The following SEMA3C variants were observed in gnomAD, a reference collection of about 807,000 sequenced individuals.
SEMA3C encodes semaphorin-3C.
Under a neutral mutation model 89.4 loss-of-function variants are expected in SEMA3C, and 47 were observed. The ratio of observed to expected loss-of-function variants is 0.53; its 90% CI spans 0.42 to 0.67. The LOEUF is 0.67. SEMA3C is among the 30% of genes least tolerant of loss of function. The pLI is 0.00. For missense variants in SEMA3C, 839 were observed against 929.1 expected (o/e 0.90, Z 1.26); for synonymous variants, 310 against 320.2 (o/e 0.97, Z 0.34).
intron 15 of SEMA3C, among the ~76,000 whole-genome samples, chr7:80,754,900 C>T (rs547666900): frequency 1.1e-4 from 17 of 151,326 alleles, no homozygotes; most frequent in African/African-American, 4.1e-4. Flanking sequence ...GCCTCAGCCT[C>T]CCAAGTATCT....
chr7:80,853,929 C>T (rs1360851134), intron 2 of SEMA3C, among the ~76,000 whole-genome samples: 2 of 150,560 alleles, frequency 1.3e-5, no homozygotes, highest in Non-Finnish European at 3.0e-5. Flanking sequence ...TACACACCTG[C>T]TATGTACCCA....
At chr7:80,889,681 G>A (rs1431495916) in intron 2 of SEMA3C, among the ~76,000 whole-genome samples, 2 of 151,784 alleles carry the variant, frequency 1.3e-5, no homozygotes, top group Non-Finnish European at 2.9e-5. Flanking sequence ...GCAGAGATGT[G>A]GTTATTACAA....
chr7:80,792,869 G>A (rs1210627807), intron 11 of SEMA3C, among the ~76,000 whole-genome samples: 1 of 152,166 alleles, frequency 6.6e-6, no homozygotes, highest in Non-Finnish European at 1.5e-5. Context: ...ATTGCCCTTT[G>A]TAGACTCTGT....
chr7:80,750,849 A>G (rs1053684883), intron 16 of SEMA3C, among the ~76,000 whole-genome samples: 24 of 152,122 alleles, frequency 1.6e-4, no homozygotes, highest in African/African-American at 5.8e-4. Context: ...AATATGCTTA[A>G]TGCCACAGAA....
chr7:80,900,736 A>G (rs1302131005), intron 2 of SEMA3C, among the ~76,000 whole-genome samples: 5 of 152,208 alleles, frequency 3.3e-5, no homozygotes, highest in African/African-American at 7.2e-5. Flanking sequence ...GGGAGGGCCC[A>G]TTCACTACTG....
Position 80,863,704 on chromosome 7 carries a change from T to TGATATATATATCACA in SEMA3C, c.104-34974_104-34960dup, listed in dbSNP as rs1167325666. 3.4e-5 allele frequency among the ~76,000 whole-genome samples: 5 copies of TGATATATATATCACA among 148,866 alleles called. No homozygotes were observed. In the East Asian group the frequency reaches 9.9e-4, roughly 30 times the overall value. On this transcript the variant is annotated intron_variant, in intron 2 of 17. Transcript: ENST00000265361. ...ATATATATACACACACATATATATG[T>TGATATATATATCACA]GATATATATATCACAGATATATATA...
chr7:80,903,652 ACT>A (rs755363478), intron 2 of SEMA3C, among the ~76,000 whole-genome samples: 8 of 152,038 alleles, frequency 5.3e-5, no homozygotes, highest in Non-Finnish European at 1.2e-4. Flanking sequence ...ACAGAGCAAG[ACT>A]CTGTCTCAAA....
chr7:80,876,043 T>C (rs1791193952), intron 2 of SEMA3C, among the ~76,000 whole-genome samples: 1 of 152,068 alleles, frequency 6.6e-6, no homozygotes. Context: ...GTATTAAATT[T>C]GTGGGTGGAA....
At chr7:80,775,417 T>C (rs142479506) in intron 12 of SEMA3C, among the ~76,000 whole-genome samples, 14 of 152,208 alleles carry the variant, frequency 9.2e-5, no homozygotes, top group African/African-American at 3.1e-4. Flanking sequence ...CTATTTACTC[T>C]AAAAAATAAA....
intron 5 of SEMA3C, 33 bp from the exon 6 acceptor site, chr7:80,810,734 T>C: frequency 6.7e-7 from 1 of 1,488,922 alleles, no homozygotes; most frequent in Non-Finnish European, 9.4e-7. Flanking sequence ...AATGTGGCAA[T>C]GATAACTTAT....
intron 11 of SEMA3C, chr7:80,796,474 T>G (rs1404810404): frequency 6.6e-6 from 1 of 152,090 alleles, no homozygotes; most frequent in Non-Finnish European, 1.5e-5. Context: ...CCCTCCCGGG[T>G]TCACGCCATT....
At chr7:80,767,163 C>T (rs976324713) in intron 12 of SEMA3C, among the ~76,000 whole-genome samples, 5 of 152,126 alleles carry the variant, frequency 3.3e-5, no homozygotes, top group African/African-American at 7.2e-5. Flanking sequence ...TCTCTCACTC[C>T]GCCTTAGGCC....
chr7:80,780,315 A>G (rs542932186), intron 12 of SEMA3C, among the ~76,000 whole-genome samples: 1 of 152,352 alleles, frequency 6.6e-6, no homozygotes, highest in East Asian at 1.9e-4. Flanking sequence ...GGAGTGCAAT[A>G]AGCTCAATAA....
At chr7:80,834,808 A>C (rs1454403641) in intron 2 of SEMA3C, among the ~76,000 whole-genome samples, 1 of 152,196 alleles carries the variant, frequency 6.6e-6, no homozygotes, top group Non-Finnish European at 1.5e-5. Context: ...CATATAACCT[A>C]CCCACATCCT....
intron 2 of SEMA3C, among the ~76,000 whole-genome samples, chr7:80,864,317 C>T (rs1330939671): frequency 1.3e-5 from 2 of 151,748 alleles, no homozygotes; most frequent in African/African-American, 4.8e-5. Context: ...GATGGGTGCA[C>T]CAGAATCTCG....
chr7:80,832,428 T>C (rs907426418), intron 2 of SEMA3C, among the ~76,000 whole-genome samples: 1 of 152,172 alleles, frequency 6.6e-6, no homozygotes, highest in Non-Finnish European at 1.5e-5. Flanking sequence ...AGATTATCTA[T>C]CTAATTAGAT....
chr7:80,754,947 G>GTTTTTTT (rs1031680674), intron 15 of SEMA3C, among the ~76,000 whole-genome samples: 3 of 13,136 alleles, frequency 2.3e-4, no homozygotes, highest in East Asian at 7.8e-3. Context: ...CTGGCGAATT[G>GTTTTTTT]TTTTTTTTTG....
chr7:80,898,053 T>C (rs1583990197), intron 2 of SEMA3C, among the ~76,000 whole-genome samples: 1 of 152,124 alleles, frequency 6.6e-6, no homozygotes, highest in South Asian at 2.1e-4. Flanking sequence ...TTTTCTAAAA[T>C]ATATCGTAGA....
intron 2 of SEMA3C, among the ~76,000 whole-genome samples, chr7:80,902,936 A>G (rs1791918594): frequency 6.6e-6 from 1 of 152,202 alleles, no homozygotes; most frequent in Admixed American, 6.5e-5. Context: ...ATTATGTGCT[A>G]AGAAGAACGG....
Sources: allele counts gnomAD v4.1 joint callset (sites outside exome capture counted in the v4.1 genomes callset), GRCh38; gene constraint gnomAD v4.1.1; transcripts MANE v1.5; gene names NCBI Gene and HGNC (gene_info 2026-07-23, HGNC 2026-07-21).